SKIDA1: variants seen among roughly 807,000 people sequenced by gnomAD.
SKIDA1 encodes the protein SKI/DACH domain-containing protein 1.
Under a neutral mutation model 51.4 loss-of-function variants are expected in SKIDA1, and 18 were observed. The observed-to-expected ratio is 0.35, with a 90% CI of 0.24 to 0.52. The LOEUF is 0.52. Among genes scored for constraint, SKIDA1 ranks in the 20% least tolerant of loss-of-function variants. The pLI is 0.95. For synonymous variants in SKIDA1, 579 were observed against 500.5 expected, an observed-to-expected ratio of 1.16 and a Z score of -2.09; for missense variants, 1,104 against 1,180.6, an observed-to-expected ratio of 0.94 and a Z score of 0.95.
chr10:21,524,425 G>GA lies in SKIDA1; in HGVS notation c.-2117-555dup, dbSNP rs764525667. On this transcript the variant is annotated intron_variant, in intron 1 of 3. Transcript: ENST00000449193. ...TATTTCTTGGCAAATACTATTTGGT[G>GA]ATGTGGTGCAAAAACACAATGGTAA... 1.6e-4 allele frequency among the ~76,000 whole-genome samples: 25 copies of GA among 152,014 alleles called. 1 individual carries two copies. The highest frequency in any genetic ancestry group is 1.3e-3 in the Admixed American group (20 of 15,270).
intron 1 of SKIDA1, among the ~76,000 whole-genome samples, chr10:21,525,041 C>G (rs1211842143): frequency 6.6e-6 from 1 of 152,206 alleles, no homozygotes; most frequent in Non-Finnish European, 1.5e-5. Flanking sequence ...CAGCAACTTG[C>G]AGCAGAAGTT....
chr10:21,517,522 G>C lies in SKIDA1; in HGVS notation c.301C>G (p.Leu101Val). 6.3e-7 allele frequency: 1 copy of C among 1,577,064 alleles called. No homozygotes were observed. The highest frequency in any genetic ancestry group is 8.6e-7 in the Non-Finnish European group (1 of 1,161,132). ...LYTSCKTERV[L>V]KTKRRRVGRA... ...CCGACCCGCCTGCGCTTGGTCTTGAGGACGCGCTCGGTTTTGCAGGAGGTG... is the reference window on the plus strand; with the variant it reads ...CCGACCCGCCTGCGCTTGGTCTTGACGACGCGCTCGGTTTTGCAGGAGGTG... Residue 101 changes from leucine (L) to valine (V), a missense_variant, in exon 4 of 4, where the codon CTC becomes GTC. Around this residue, in one of 3 missense-constraint regions of SKIDA1, gnomAD observed 938 missense variants for 886.4 expected, o/e 1.06. Transcript: ENST00000449193. The surrounding 1 kb of genome is among the most constrained non-coding windows in gnomAD (Gnocchi z 6.9).
chr10:21,516,637 A>T lies in SKIDA1; in HGVS notation c.1186T>A (p.Ser396Thr). The stretch of plus-strand genomic sequence containing the variant: ...CTGGACAAACTGGAGCCAAAATCCG[A>T]GTCGTTGGCCGCGTGGTCCGAGTAG... ...SSYSDHAAND[S>T]DFGSSLSSSS... Residue 396 changes from serine (S) to threonine (T), a missense_variant, in exon 4 of 4, where the codon TCG (serine) becomes ACG (threonine). Physicochemically the swap from Ser to Thr is moderately conservative, Grantham distance 58. Around this residue, in one of 3 missense-constraint regions of SKIDA1, gnomAD observed 938 missense variants for 886.4 expected, o/e 1.06. Transcript: ENST00000449193. The surrounding 1 kb of genome is among the most constrained non-coding windows in gnomAD (Gnocchi z 5.7). 6.4e-7 allele frequency: 1 copy of T among 1,551,300 alleles called. No individual in the cohort carries two copies. Among genetic ancestry groups the T allele is most frequent in the East Asian group, 2.4e-5 (1 of 40,880 alleles).
chr10:21,515,888 A>G lies in SKIDA1; in HGVS notation c.1935T>C (p.Ala645=). ...CAGTCTGCGAAGAGGGCAAATCCGT[A>G]GCAAATTCAGGACAATGAAGGATTT... is the stretch of plus-strand genomic sequence containing the variant. ...YSKILHCPEF[A]TDLPSSQTDP... The change falls in exon 4 of 4, where the codon GCT becomes GCC. Residue 645 remains alanine, a synonymous_variant. Coordinates refer to ENST00000449193, the MANE Select transcript of SKIDA1 (RefSeq NM_207371.4). 6.2e-7 allele frequency: 1 copy of G among 1,614,072 alleles called. No individual in the cohort carries two copies. Among genetic ancestry groups the G allele is most frequent in the Non-Finnish European group, 8.5e-7 (1 of 1,179,900 alleles).
At position 21,516,468 on chromosome 10, in the gene SKIDA1, G is replaced by C; in HGVS notation, c.1355C>G (p.Ser452Cys). 6.2e-7 allele frequency: 1 copy of C among 1,611,542 alleles called. No homozygotes were observed. The highest frequency in any genetic ancestry group is 2.2e-5 in the East Asian group (1 of 44,840). Residue 452 changes from serine (S) to cysteine (C), a missense_variant, in exon 4 of 4, where the codon TCC (serine) becomes TGC (cysteine). Ser to Cys is a moderately radical substitution (Grantham distance 112, BLOSUM62 -1). Around this residue, in one of 3 missense-constraint regions of SKIDA1, gnomAD observed 938 missense variants for 886.4 expected, o/e 1.06. Transcript: ENST00000449193. The surrounding 1 kb of genome is among the most constrained non-coding windows in gnomAD (Gnocchi z 5.7). The part of the protein sequence containing the change: ...EEEDSSTESD[S>C]SSGSSQVSVQ... ...TGACACTTGGCTGGAGCCGGAGCTG[G>C]AGTCCGACTCGGTGGACGAGTCCTC... is the stretch of plus-strand genomic sequence containing the variant.
intron 3 of SKIDA1, among the ~76,000 whole-genome samples, chr10:21,521,058 G>GCACACACACACACACACACACA (rs139184900): frequency 6.8e-5 from 10 of 146,766 alleles, no homozygotes; most frequent in African/African-American, 2.5e-4. Context: ...ATGAGTGCAT[G>GCACACACACACACACACACACA]CACACACACA....
rs767836640 is a variant in SKIDA1 at position 21,515,294 on chromosome 10, T to C, written c.2529A>G (p.Pro843=). Residue 843 remains proline (P), a synonymous_variant, in exon 4 of 4, where the codon CCA becomes CCG. Coordinates refer to ENST00000449193, the MANE Select transcript of SKIDA1 (RefSeq NM_207371.4). ...AAGGAAAATTTGCCATGAAATGAAA[T>C]GGCCTTTTCACTGCTGATGCTACAT... ...ASNVASAVKR[P]FHFMANFPCP... 6.2e-7 allele frequency: 1 copy of C among 1,614,032 alleles called. No individual in the cohort carries two copies. The highest frequency in any genetic ancestry group is 1.1e-5 in the South Asian group (1 of 91,086).
intron 3 of SKIDA1, among the ~76,000 whole-genome samples, chr10:21,521,163 T>C (rs1163599370): frequency 6.6e-6 from 1 of 151,792 alleles, no homozygotes; most frequent in Non-Finnish European, 1.5e-5. Context: ...CCAGGCACAT[T>C]GGGGGTCGAT....
At chr10:21,520,408 C>G (rs537050050) in intron 3 of SKIDA1, among the ~76,000 whole-genome samples, 1 of 152,120 alleles carries the variant, frequency 6.6e-6, no homozygotes, top group Admixed American at 6.5e-5. Flanking sequence ...TTGCCAGCAA[C>G]AATAATGTCG....
chr10:21,516,594 G>A lies in SKIDA1; in HGVS notation c.1229C>T (p.Ser410Phe), dbSNP rs1272042496. 2.6e-6 allele frequency: 4 copies of A among 1,551,686 alleles called. No homozygotes were observed. Among genetic ancestry groups the A allele is most frequent in the Non-Finnish European group, 3.5e-6 (4 of 1,147,184 alleles). Residue 410 changes from serine to phenylalanine, a missense_variant, in exon 4 of 4, where the codon TCC becomes TTC. This residue lies in a region of SKIDA1 where 938 missense variants were observed against 886.4 expected (regional missense o/e 1.06). Transcript: ENST00000449193. The surrounding 1 kb of genome is among the most constrained non-coding windows in gnomAD (Gnocchi z 5.7). ...SSLSSSSNSV[S>F]SEEEEEEGEE... is the part of the protein sequence containing the mutation. Reference sequence around the variant, plus strand: ...TCCCTCCTCCTCCTCTTCCTCTGAGGACACAGAATTGCTGGAGCTGGACAA... The same window carrying A: ...TCCCTCCTCCTCCTCTTCCTCTGAGAACACAGAATTGCTGGAGCTGGACAA...
Position 21,516,768 on chromosome 10 carries a change from CGGTGGTGGTGGTGGTGGTGGTGAT to C in SKIDA1, c.1031_1054del (p.His344_His351del), listed in dbSNP as rs762796727. On this transcript the variant is annotated inframe_deletion, in exon 4 of 4. Coordinates refer to ENST00000449193, the MANE Select transcript of SKIDA1 (RefSeq NM_207371.4). This position sits in a 1 kb window ranked among gnomAD's most constrained non-coding sequence, Gnocchi z 5.7. Reference sequence around the variant, plus strand: ...GTGACTCTGCTGCGGCGGCTGGGCCCGGTGGTGGTGGTGGTGGTGGTGATGGTGGTGGTGGTGGTGGTGGTGCGG... The same window carrying C: ...GTGACTCTGCTGCGGCGGCTGGGCCCGGTGGTGGTGGTGGTGGTGGTGCGG... 63 of 1,538,500 alleles carry C rather than the reference CGGTGGTGGTGGTGGTGGTGGTGAT, an allele frequency of 4.1e-5. No individual in the cohort carries two copies. The highest frequency in any genetic ancestry group is 3.0e-4 in the East Asian group (12 of 40,552).
At position 21,516,395 on chromosome 10, in the gene SKIDA1, G is replaced by T; in HGVS notation, c.1428C>A (p.Ser476Arg). The T allele has an allele frequency of 6.2e-7, 1 of 1,613,448 alleles. No homozygotes were observed. The highest frequency in any genetic ancestry group is 8.5e-7 in the Non-Finnish European group (1 of 1,179,888). Reference protein sequence around the residue: ...FRRTSFCKPPSVQAQANFLYH... With the variant: ...FRRTSFCKPPRVQAQANFLYH... ...ACAAGAAGTTGGCCTGCGCCTGCAC[G>T]CTGGGAGGCTTGCAGAAGCTGGTGC... The change falls in exon 4 of 4, where the codon AGC becomes AGA. Residue 476 changes from serine (S) to arginine (R), a missense_variant. Coordinates refer to ENST00000449193, the MANE Select transcript of SKIDA1 (RefSeq NM_207371.4). The surrounding 1 kb of genome is among the most constrained non-coding windows in gnomAD (Gnocchi z 5.7).
rs200289184 is a variant in SKIDA1, at chr10:21,516,067, T to C, written c.1756A>G (p.Asn586Asp). 251 of 1,614,060 alleles carry C rather than the reference T, an allele frequency of 1.6e-4. 1 individual carries two copies. In the African/African-American group the frequency reaches 2.9e-3, roughly 19 times the overall value. Residue 586 changes from asparagine to aspartate, a missense_variant, in exon 4 of 4, where the codon AAC becomes GAC. Asn to Asp is a conservative substitution (Grantham distance 23). Around this residue, in one of 3 missense-constraint regions of SKIDA1, gnomAD observed 938 missense variants for 886.4 expected, o/e 1.06. Coordinates refer to ENST00000449193, the MANE Select transcript of SKIDA1 (RefSeq NM_207371.4). The surrounding 1 kb of genome is among the most constrained non-coding windows in gnomAD (Gnocchi z 5.7). ...ATTCTTTGTTGTGGAAATGCATTGT[T>C]TGTCTTTGGGCTAGGTGAAGAGGCC... ...EGASSPSPKT[N>D]NAFPQQRILR...
In SKIDA1 at chr10:21,515,148, C is replaced by T; in HGVS notation, c.2675G>A (p.Gly892Asp). The change falls in exon 4 of 4, where the codon GGT becomes GAT. Residue 892 changes from glycine (G) to aspartate (D), a missense_variant. Gly to Asp is a moderately conservative substitution (Grantham distance 94). Around this residue, in one of 3 missense-constraint regions of SKIDA1, gnomAD observed 112 missense variants for 168.3 expected, o/e 0.67. Transcript: ENST00000449193. ...AHPIWKWQLG[G>D]SAIPLPPSHK... ...ACTAGGTGGAAGAGGTATTGCAGAA[C>T]CGCCCAGCTGCCATTTCCATATAGG... The T allele has an allele frequency of 1.2e-6, 2 of 1,613,582 alleles. No individual in the cohort carries two copies. Among genetic ancestry groups the T allele is most frequent in the Non-Finnish European group, 8.5e-7 (1 of 1,179,746 alleles).
Position 21,515,718 on chromosome 10 carries a change from A to G in SKIDA1, c.2105T>C (p.Leu702Pro). ...SSANEEYEPH[L>P]FTNKLKCECN... ...CTCGCACTTTAGCTTATTTGTAAAAAGGTGAGGTTCATATTCTTCATTAGC... is the reference window on the plus strand; with the variant it reads ...CTCGCACTTTAGCTTATTTGTAAAAGGGTGAGGTTCATATTCTTCATTAGC... Residue 702 changes from leucine (L) to proline (P), a missense_variant, in exon 4 of 4, where the codon CTT becomes CCT. By Grantham distance (98) the Leu-to-Pro change is moderately conservative. Coordinates refer to ENST00000449193, the MANE Select transcript of SKIDA1 (RefSeq NM_207371.4). 1 of 1,614,044 alleles carries G rather than the reference A, an allele frequency of 6.2e-7. No individual in the cohort carries two copies. Among genetic ancestry groups the G allele is most frequent in the Non-Finnish European group, 8.5e-7 (1 of 1,179,898 alleles).
At chr10:21,522,851 C>T (rs1325827204) in intron 2 of SKIDA1, among the ~76,000 whole-genome samples, 1 of 152,078 alleles carries the variant, frequency 6.6e-6, no homozygotes, top group Admixed American at 6.5e-5. Flanking sequence ...TGCCCCCTGA[C>T]CCATCTTGAA....
In SKIDA1 at chr10:21,516,455, G is replaced by A. The variant is rs767636408; in HGVS notation, c.1368C>T (p.Ser456=). ...SSTESDSSSG[S]SQVSVQSIRF... is the part of the protein sequence containing the mutation. Reference sequence around the variant, plus strand: ...GGATGCTCTGCACTGACACTTGGCTGGAGCCGGAGCTGGAGTCCGACTCGG... The same window carrying A: ...GGATGCTCTGCACTGACACTTGGCTAGAGCCGGAGCTGGAGTCCGACTCGG... The change falls in exon 4 of 4, where the codon TCC becomes TCT. Residue 456 remains serine (S), a synonymous_variant. Transcript: ENST00000449193. This position sits in a 1 kb window ranked among gnomAD's most constrained non-coding sequence, Gnocchi z 5.7. 2.5e-6 allele frequency: 4 copies of A among 1,612,372 alleles called. No homozygotes were observed. In the South Asian group the frequency reaches 4.4e-5, roughly 18 times the overall value.
chr10:21,524,906 T>A, intron 1 of SKIDA1: 1 of 152,194 alleles, frequency 6.6e-6, no homozygotes, highest in East Asian at 1.9e-4. Context: ...GGGATTCGCT[T>A]TACTCTACCT....
chr10:21,524,756 T>C (rs1467680965), intron 1 of SKIDA1: 1 of 152,170 alleles, frequency 6.6e-6, no homozygotes, highest in Non-Finnish European at 1.5e-5. Context: ...GTCTGGTTTG[T>C]GGAGCAAAAA....
Sources: gnomAD v4.1 joint callset for allele counts (sites outside exome capture counted in the v4.1 genomes callset) on GRCh38, gnomAD v4.1.1 for gene constraint, gnomAD v4.1.1 regional missense constraint, Gnocchi (gnomAD v3.1) non-coding constraint, MANE v1.5 for transcripts, NCBI Gene and HGNC (gene_info 2026-07-23, HGNC 2026-07-21) for gene names.